RBMS2: variants seen among roughly 807,000 people sequenced by gnomAD.
RBMS2 encodes the protein RNA binding motif single stranded interacting protein 2.
A neutral mutation model predicts 58.4 loss-of-function variants in RBMS2; 38 were observed. The ratio of observed to expected loss-of-function variants is 0.65; its 90% CI spans 0.50 to 0.85. The LOEUF is 0.85. Among genes scored for constraint, RBMS2 ranks in the 40% least tolerant of loss-of-function variants. The probability of loss-of-function intolerance (pLI) is 0.00; values close to 1 mark genes in which losing one functional copy is unlikely to be tolerated. For synonymous variants in RBMS2, 151 were observed against 180.7 expected, an observed-to-expected ratio of 0.84 and a Z score of 1.32; for missense variants, 367 against 503.7, an observed-to-expected ratio of 0.73 and a Z score of 2.60.
At chr12:56,557,090 G>A (rs949767248) in intron 1 of RBMS2, among the ~76,000 whole-genome samples, 4 of 152,010 alleles carry the variant, frequency 2.6e-5, no homozygotes, top group Non-Finnish European at 2.9e-5. Context: ...ATGCTCTCTT[G>A]TTGAAGAATT....
chr12:56,581,483 G>T lies in RBMS2; in HGVS notation c.707G>T (p.Arg236Leu), dbSNP rs746546309. 6.2e-7 allele frequency: 1 copy of T among 1,614,158 alleles called. No individual in the cohort carries two copies. Among genetic ancestry groups the T allele is most frequent in the Non-Finnish European group, 8.5e-7 (1 of 1,180,026 alleles). ...CAAGGAAAATTTGTGCAAAATGGAC[G>T]GGCTTGGCCAAGGAATGCAGACATG... ...QNQGKFVQNG[R>L]AWPRNADMGV... The change falls in exon 7 of 14, where the codon CGG becomes CTG. Residue 236 changes from arginine (R) to leucine (L), a missense_variant. Around this residue, in one of 3 missense-constraint regions of RBMS2, gnomAD observed 220 missense variants for 261.1 expected, o/e 0.84. Transcript: ENST00000262031.
At chr12:56,556,936 T>A (rs1032831134) in intron 1 of RBMS2, among the ~76,000 whole-genome samples, 4 of 152,156 alleles carry the variant, frequency 2.6e-5, no homozygotes, top group Non-Finnish European at 5.9e-5. Flanking sequence ...TTTTCTGCCT[T>A]TATGGAGCTT....
intron 1 of RBMS2, among the ~76,000 whole-genome samples, chr12:56,559,319 G>T (rs892002358): frequency 4.0e-5 from 6 of 151,346 alleles, no homozygotes; most frequent in African/African-American, 1.5e-4. Flanking sequence ...CTGAGTAGCT[G>T]GGACTACAGG....
Position 56,593,952 on chromosome 12 carries a change from G to C in RBMS2, c.*4819G>C, listed in dbSNP as rs1885507114. ...GTCAGTAACAGATAAGGAGTGGTAA[G>C]AGGACATTACTCATATTGAAGATGA... On this transcript the variant is annotated 3_prime_UTR_variant, in exon 14 of 14. Coordinates refer to ENST00000262031, the MANE Select transcript of RBMS2 (RefSeq NM_002898.4). The C allele has an allele frequency of 6.6e-6, 1 of 152,282 alleles. No homozygotes were observed. The allele number at this position is 152,282 out of a possible 1,614,324, so 9.4% of individuals were successfully genotyped here. A position where few individuals can be genotyped will look rare whatever the true frequency, so the allele number is the denominator to read the frequency against.
At chr12:56,562,971 G>C (rs1228056615) in intron 2 of RBMS2, among the ~76,000 whole-genome samples, 1 of 151,886 alleles carries the variant, frequency 6.6e-6, no homozygotes, top group African/African-American at 2.4e-5. Context: ...AAATACAAAA[G>C]AATTAGCCGG....
chr12:56,570,152 G>A, intron 4 of RBMS2, 162 bp downstream of exon 4: 1 of 605,906 alleles, frequency 1.7e-6, no homozygotes, highest in Non-Finnish European at 2.9e-6. Flanking sequence ...GCTGCTGGAG[G>A]AAGATGTATT....
At chr12:56,568,675 T>A (rs1343440208) in intron 2 of RBMS2, among the ~76,000 whole-genome samples, 1 of 151,916 alleles carries the variant, frequency 6.6e-6, no homozygotes, top group Non-Finnish European at 1.5e-5. Flanking sequence ...TAGCTGGGAC[T>A]ACTGGCGTGA....
At chr12:56,578,417 C>G (rs1883457446) in intron 5 of RBMS2, among the ~76,000 whole-genome samples, 2 of 152,150 alleles carry the variant, frequency 1.3e-5, no homozygotes, top group Non-Finnish European at 2.9e-5. Flanking sequence ...AGGTGAGCCA[C>G]CACACCTGGC....
chr12:56,538,237 T>G (rs1875317174), intron 1 of RBMS2, among the ~76,000 whole-genome samples: 2 of 151,944 alleles, frequency 1.3e-5, no homozygotes, highest in Non-Finnish European at 2.9e-5. Flanking sequence ...TTTGCCATGT[T>G]GGCCAGGCTG....
chr12:56,558,561 C>G (rs1280772579), intron 1 of RBMS2, among the ~76,000 whole-genome samples: 2 of 117,172 alleles, frequency 1.7e-5, no homozygotes, highest in Non-Finnish European at 3.5e-5. Context: ...CCCTCCCTTC[C>G]TTCCTTCTTT....
intron 9 of RBMS2, among the ~76,000 whole-genome samples, chr12:56,586,483 T>G (rs1001352405): frequency 6.6e-6 from 1 of 152,174 alleles, no homozygotes; most frequent in African/African-American, 2.4e-5. Context: ...ATTGTGGTTT[T>G]GATTTGCATT....
rs1473613239 is a variant in RBMS2, at chr12:56,587,715, C to T, written c.1062+51C>T. 4 of 1,561,552 alleles carry T rather than the reference C, an allele frequency of 2.6e-6. No homozygotes were observed. The Admixed American group carries it at 7.3e-5, about 28-fold the overall frequency. On this transcript the variant is annotated intron_variant, in intron 11 of 13. Transcript: ENST00000262031. ...AACTCTCCTACTGAGCAAGGCATAC[C>T]TGTGTAATACTCTTCAGCGTAAGTA...
intron 1 of RBMS2, among the ~76,000 whole-genome samples, chr12:56,544,776 T>TTTTTTG (rs1592367820): frequency 6.7e-6 from 1 of 148,842 alleles, no homozygotes; most frequent in Non-Finnish European, 1.5e-5. Flanking sequence ...TTCTTTTTTG[T>TTTTTTG]AGAGCTGGGA....
At chr12:56,566,561 T>C (rs767967936) in intron 2 of RBMS2, among the ~76,000 whole-genome samples, 1 of 152,196 alleles carries the variant, frequency 6.6e-6, no homozygotes, top group Non-Finnish European at 1.5e-5. Context: ...CTCACACCTG[T>C]AATCACAGCA....
chr12:56,538,231 C>T (rs1875315765), intron 1 of RBMS2, among the ~76,000 whole-genome samples: 2 of 151,740 alleles, frequency 1.3e-5, no homozygotes. Context: ...TGGGGTTTTG[C>T]CATGTTGGCC....
intron 2 of RBMS2, among the ~76,000 whole-genome samples, chr12:56,567,577 CT>C (rs1229229790): frequency 6.6e-6 from 1 of 152,162 alleles, no homozygotes; most frequent in Admixed American, 6.6e-5. Context: ...TGGCTCTCAG[CT>C]GTAATCCTAG....
chr12:56,529,743 A>G (rs1449068990), intron 1 of RBMS2, among the ~76,000 whole-genome samples: 2 of 152,276 alleles, frequency 1.3e-5, no homozygotes, highest in Admixed American at 6.5e-5. Flanking sequence ...GGAAATGCCC[A>G]GAATACGGAA....
chr12:56,527,333 C>G (rs990677151), intron 1 of RBMS2, among the ~76,000 whole-genome samples: 1 of 152,108 alleles, frequency 6.6e-6, no homozygotes, highest in Non-Finnish European at 1.5e-5. Flanking sequence ...AGTGGTAGGC[C>G]GGGCGCAGTG....
chr12:56,559,369 G>C (rs1879924086), intron 1 of RBMS2, among the ~76,000 whole-genome samples: 1 of 151,260 alleles, frequency 6.6e-6, no homozygotes, highest in African/African-American at 2.4e-5. Flanking sequence ...TGTATTTTTG[G>C]TAGAAACGGG....
Sources: gnomAD v4.1 joint callset for allele counts (sites outside exome capture counted in the v4.1 genomes callset) on GRCh38, gnomAD v4.1.1 for gene constraint, gnomAD v4.1.1 regional missense constraint, MANE v1.5 for transcripts, NCBI Gene and HGNC (gene_info 2026-07-23, HGNC 2026-07-21) for gene names.